The following CADM2 variants were observed in gnomAD, a reference collection of about 807,000 sequenced individuals.
CADM2 encodes cell adhesion molecule 2.
In CADM2, 12 loss-of-function variants were observed where a neutral mutation model predicts 49.8. The ratio of observed to expected loss-of-function variants is 0.24; its 90% confidence interval spans 0.15 to 0.39. The LOEUF (loss-of-function observed/expected upper bound fraction) is 0.39, where lower values mean the gene tolerates loss of function less well. CADM2 is among the 10% of genes least tolerant of loss of function. The probability of loss-of-function intolerance (pLI) is 1.00; values close to 1 mark genes in which losing one functional copy is unlikely to be tolerated. For missense variants in CADM2, 378 were observed against 492.3 expected (o/e 0.77, Z 2.20); for synonymous variants, 214 against 175.4 (o/e 1.22, Z -1.74).
At chr3:85,989,276 A>C (rs1049728031) in intron 8 of CADM2, among the ~76,000 whole-genome samples, 2 of 152,152 alleles carry the variant, frequency 1.3e-5, no homozygotes, top group Non-Finnish European at 2.9e-5. Flanking sequence ...GTAAGATGCT[A>C]TTAGCAGCAC....
chr3:85,083,955 C>T (rs2037274704), intron 1 of CADM2, among the ~76,000 whole-genome samples: 1 of 152,156 alleles, frequency 6.6e-6, no homozygotes, highest in South Asian at 2.1e-4. Flanking sequence ...TTTCTACCCA[C>T]CATAAATACT....
At chr3:84,999,480 G>A (rs748183661) in intron 1 of CADM2, among the ~76,000 whole-genome samples, 4 of 152,006 alleles carry the variant, frequency 2.6e-5, no homozygotes, top group African/African-American at 2.4e-5. Flanking sequence ...TTGCCCTTAG[G>A]AGCACTAGAT....
chr3:85,175,462 T>A (rs2107692448), intron 1 of CADM2, among the ~76,000 whole-genome samples: 1 of 152,306 alleles, frequency 6.6e-6, no homozygotes, highest in African/African-American at 2.4e-5. Context: ...TGTGCTACAG[T>A]GTGAATTAAC....
intron 2 of CADM2, among the ~76,000 whole-genome samples, chr3:85,742,047 A>G (rs2068413597): frequency 6.6e-6 from 1 of 152,228 alleles, no homozygotes; most frequent in Non-Finnish European, 1.5e-5. Flanking sequence ...TAGCAGCTAG[A>G]TTTGAAAATA....
chr3:85,737,892 T>G (rs975226404), intron 2 of CADM2, among the ~76,000 whole-genome samples: 3 of 152,130 alleles, frequency 2.0e-5, no homozygotes, highest in Non-Finnish European at 2.9e-5. Context: ...TTTCCCATCT[T>G]GGCCAAGCAA....
At chr3:85,700,083 C>T (rs1192106194) in intron 1 of CADM2, among the ~76,000 whole-genome samples, 1 of 152,144 alleles carries the variant, frequency 6.6e-6, no homozygotes, top group Non-Finnish European at 1.5e-5. Flanking sequence ...TTGGAACCAA[C>T]CCAAACATCC....
At chr3:84,982,429 A>G (rs924895178) in intron 1 of CADM2, among the ~76,000 whole-genome samples, 1 of 151,954 alleles carries the variant, frequency 6.6e-6, no homozygotes, top group African/African-American at 2.4e-5. Context: ...ATATCTGGAT[A>G]TAAGTCTAAA....
chr3:85,250,110 C>T (rs1463034096), intron 1 of CADM2, among the ~76,000 whole-genome samples: 1 of 151,730 alleles, frequency 6.6e-6, no homozygotes, highest in Non-Finnish European at 1.5e-5. Flanking sequence ...TTTTAATTAA[C>T]CATATTTGCC....
At chr3:86,029,885 A>C (rs1348698276) in intron 8 of CADM2, among the ~76,000 whole-genome samples, 1 of 152,002 alleles carries the variant, frequency 6.6e-6, no homozygotes, top group East Asian at 1.9e-4. Flanking sequence ...GTCAAGGATA[A>C]AATTGTCAAA....
rs550404143 is a variant in CADM2, at chr3:85,274,093, T to C, written c.61+314425T>C. Among the ~76,000 whole-genome samples the C allele has an allele frequency of 3.3e-5, 5 of 151,378 alleles. No individual in the cohort carries two copies. In the South Asian group the frequency reaches 1.0e-3, roughly 31 times the overall value. On this transcript the variant is annotated intron_variant, in intron 1 of 9. Coordinates refer to ENST00000383699, the MANE Select transcript of CADM2 (RefSeq NM_001167675.2). Reference sequence around the variant, plus strand: ...TAGGAGAAACACTGAGAATTGCAAATAGGATTTAGCAGTGTGAAGGCCACA... The same window carrying C: ...TAGGAGAAACACTGAGAATTGCAAACAGGATTTAGCAGTGTGAAGGCCACA...
chr3:85,189,062 AAAATAAATAAAT>A (rs67058834), intron 1 of CADM2, among the ~76,000 whole-genome samples: 15 of 145,578 alleles, frequency 1.0e-4, no homozygotes, highest in African/African-American at 3.0e-4. Context: ...ATAAATAAAT[AAAATAAATAAAT>A]AAATAAATAA....
intron 1 of CADM2, among the ~76,000 whole-genome samples, chr3:85,355,596 C>T (rs1008062012): frequency 7.9e-5 from 12 of 151,966 alleles, no homozygotes; most frequent in Non-Finnish European, 5.9e-5. Context: ...ATTTTAGATG[C>T]AGAGGGTAGA....
chr3:85,821,106 C>A (rs1012630272), intron 3 of CADM2, among the ~76,000 whole-genome samples: 3 of 152,086 alleles, frequency 2.0e-5, no homozygotes, highest in African/African-American at 7.2e-5. Flanking sequence ...AAAAATAATT[C>A]TATTGTGGTT....
intron 1 of CADM2, among the ~76,000 whole-genome samples, chr3:85,362,751 G>A (rs767257675): frequency 3.9e-5 from 6 of 152,126 alleles, no homozygotes; most frequent in Non-Finnish European, 7.4e-5. Context: ...TTATGCATTT[G>A]TTGTCACTGC....
intron 1 of CADM2, among the ~76,000 whole-genome samples, chr3:85,039,141 A>G (rs1416987563): frequency 1.3e-5 from 2 of 152,120 alleles, no homozygotes; most frequent in Non-Finnish European, 2.9e-5. Flanking sequence ...AGCTGGGATT[A>G]GAGGTACCCG....
At chr3:85,506,756 C>A (rs1485525835) in intron 1 of CADM2, among the ~76,000 whole-genome samples, 3 of 151,920 alleles carry the variant, frequency 2.0e-5, no homozygotes, top group Non-Finnish European at 4.4e-5. Context: ...CATGTTAATT[C>A]TTTTTAACTG....
chr3:85,902,571 T>C (rs34803122), intron 5 of CADM2, among the ~76,000 whole-genome samples: 48,471 of 151,432 alleles, frequency 0.32, 8,900 homozygotes, highest in East Asian at 0.42. Flanking sequence ...TTGATATAGG[T>C]TTATTTTCAT....
intron 1 of CADM2, among the ~76,000 whole-genome samples, chr3:84,973,001 G>A (rs761721483): frequency 6.6e-6 from 1 of 151,994 alleles, no homozygotes; most frequent in Admixed American, 6.6e-5. Context: ...TGCAACTTCC[G>A]CCTCCCAGGT....
intron 1 of CADM2, among the ~76,000 whole-genome samples, chr3:85,653,733 G>A (rs758035025): frequency 6.6e-6 from 1 of 152,054 alleles, no homozygotes; most frequent in Non-Finnish European, 1.5e-5. Flanking sequence ...GGGCGTATAC[G>A]GCATCACCTA....
Sources: allele counts gnomAD v4.1 joint callset (sites outside exome capture counted in the v4.1 genomes callset), GRCh38; gene constraint gnomAD v4.1.1; transcripts MANE v1.5; gene names NCBI Gene and HGNC (gene_info 2026-07-23, HGNC 2026-07-21).